Variants in SYN3 observed in about 807,000 individuals in gnomAD.
SYN3 encodes synapsin-3.
In SYN3, 35 loss-of-function variants were observed where a neutral mutation model predicts 65.8. The ratio of observed to expected loss-of-function variants is 0.53; its 90% CI spans 0.41 to 0.70. SYN3 has a LOEUF of 0.70. SYN3 is among the 30% of genes least tolerant of loss of function. The probability of loss-of-function intolerance (pLI) is 0.00; values close to 1 mark genes in which losing one functional copy is unlikely to be tolerated. For synonymous variants in SYN3, 270 were observed against 292.9 expected, an observed-to-expected ratio of 0.92 and a Z score of 0.80; for missense variants, 680 against 749.0, an observed-to-expected ratio of 0.91 and a Z score of 1.08.
chr22:32,812,441 C>T (rs540068280), intron 6 of SYN3, among the ~76,000 whole-genome samples: 4 of 152,304 alleles, frequency 2.6e-5, no homozygotes, highest in African/African-American at 7.2e-5. Context: ...AGCAACCTTG[C>T]AGACTTAGTC....
Position 32,877,703 on chromosome 22 carries a change from C to T in SYN3, c.462-8578G>A, listed in dbSNP as rs369877475. 2.0e-4 allele frequency among the ~76,000 whole-genome samples: 31 copies of T among 152,190 alleles called. No individual in the cohort carries two copies. In the East Asian group the frequency reaches 3.9e-3, roughly 19 times the overall value. On this transcript the variant is annotated intron_variant, in intron 4 of 13. Transcript: ENST00000358763. Reference sequence around the variant, plus strand: ...TGGCATGATCACTGTCCCCCTTCTCCGCAAACCCTTTCCACCTTGCCTCGA... The same window carrying T: ...TGGCATGATCACTGTCCCCCTTCTCTGCAAACCCTTTCCACCTTGCCTCGA...
intron 7 of SYN3, among the ~76,000 whole-genome samples, chr22:32,595,751 T>G (rs937011339): frequency 1.3e-5 from 2 of 152,064 alleles, no homozygotes; most frequent in African/African-American, 4.8e-5. Flanking sequence ...TAATAGTGAG[T>G]GAGTTCTCAC....
At chr22:32,830,129 G>A (rs1784946613) in intron 6 of SYN3, among the ~76,000 whole-genome samples, 1 of 152,126 alleles carries the variant, frequency 6.6e-6, no homozygotes, top group Non-Finnish European at 1.5e-5. Flanking sequence ...GGCCCATATG[G>A]GTCCCAGCTA....
At chr22:32,791,948 T>C (rs773172637) in intron 6 of SYN3, among the ~76,000 whole-genome samples, 1 of 152,154 alleles carries the variant, frequency 6.6e-6, no homozygotes, top group Non-Finnish European at 1.5e-5. Context: ...AAAGGGGATA[T>C]AAGCACATGC....
intron 6 of SYN3, among the ~76,000 whole-genome samples, chr22:32,745,594 C>T (rs2044908109): frequency 6.6e-6 from 1 of 152,182 alleles, no homozygotes; most frequent in Non-Finnish European, 1.5e-5. Flanking sequence ...AAGACGCAGC[C>T]ACTGCACGGC....
At chr22:32,950,006 T>C (rs1157676586) in intron 3 of SYN3, among the ~76,000 whole-genome samples, 1 of 152,150 alleles carries the variant, frequency 6.6e-6, no homozygotes, top group African/African-American at 2.4e-5. Flanking sequence ...GCAGATAGAT[T>C]TGTCTGGAAT....
intron 6 of SYN3, among the ~76,000 whole-genome samples, chr22:32,695,432 G>A (rs1029519869): frequency 1.3e-5 from 2 of 152,160 alleles, no homozygotes; most frequent in African/African-American, 4.8e-5. Flanking sequence ...TTTTCTCAGG[G>A]ATGGAGTCAA....
chr22:33,025,903 C>T (rs1332617388), intron 1 of SYN3, among the ~76,000 whole-genome samples: 1 of 152,148 alleles, frequency 6.6e-6, no homozygotes, highest in African/African-American at 2.4e-5. Context: ...TCAGGGGAGC[C>T]TTGATAGTGA....
chr22:32,684,112 G>C (rs1399844087), intron 6 of SYN3, among the ~76,000 whole-genome samples: 1 of 152,160 alleles, frequency 6.6e-6, no homozygotes, highest in African/African-American at 2.4e-5. Context: ...TAATCAGAGT[G>C]CTGCATCCCT....
chr22:32,511,969 G>T lies in SYN3; in HGVS notation c.*1723C>A, dbSNP rs1348458515. On this transcript the variant is annotated 3_prime_UTR_variant, in exon 14 of 14. Coordinates refer to ENST00000358763, the MANE Select transcript of SYN3 (RefSeq NM_003490.4). Reference sequence around the variant, plus strand: ...AGGCCAAGTGGCTTTCTGGCAGCCAGGTGCACAGCTAGCACTTTCAATACT... The same window carrying T: ...AGGCCAAGTGGCTTTCTGGCAGCCATGTGCACAGCTAGCACTTTCAATACT... 6.6e-6 allele frequency among the ~76,000 whole-genome samples: 1 copy of T among 152,182 alleles called. No individual in the cohort carries two copies. Among genetic ancestry groups the T allele is most frequent in the Non-Finnish European group, 1.5e-5 (1 of 68,034 alleles).
At chr22:32,690,296 T>C (rs2060645451) in intron 6 of SYN3, among the ~76,000 whole-genome samples, 4 of 152,228 alleles carry the variant, frequency 2.6e-5, no homozygotes, top group Non-Finnish European at 5.9e-5. Context: ...TGCTAGTGCC[T>C]TGACCTTGGA....
rs571767184 is a variant in SYN3, at chr22:32,888,554, C to T, written c.462-19429G>A. On this transcript the variant is annotated intron_variant, in intron 4 of 13. Transcript: ENST00000358763. The stretch of plus-strand genomic sequence containing the variant: ...GACATCTCATTATAATTTGTATTTT[C>T]ATTTTCCTGATGATCAGTGATGTTT... Among the ~76,000 whole-genome samples the T allele has an allele frequency of 2.0e-5, 3 of 152,192 alleles. No homozygotes were observed. In the South Asian group the frequency reaches 6.2e-4, roughly 32 times the overall value.
chr22:32,897,693 C>T (rs1012990279), intron 4 of SYN3, among the ~76,000 whole-genome samples: 17 of 152,154 alleles, frequency 1.1e-4, no homozygotes, highest in East Asian at 3.8e-4. Context: ...ATCATAATAG[C>T]GCTTACCTCA....
At chr22:32,806,161 G>A (rs773565956) in intron 6 of SYN3, among the ~76,000 whole-genome samples, 1 of 152,030 alleles carries the variant, frequency 6.6e-6, no homozygotes, top group African/African-American at 2.4e-5. Flanking sequence ...CCCAGTGGGA[G>A]GTACCCGGTC....
At chr22:32,704,327 C>G (rs2060850924) in intron 6 of SYN3, among the ~76,000 whole-genome samples, 1 of 152,150 alleles carries the variant, frequency 6.6e-6, no homozygotes. Context: ...ATTTGGTTTT[C>G]TGTTCCTGCA....
intron 3 of SYN3, among the ~76,000 whole-genome samples, chr22:32,940,908 T>A (rs1218849370): frequency 2.0e-5 from 3 of 152,176 alleles, no homozygotes; most frequent in Non-Finnish European, 4.4e-5. Flanking sequence ...TTGTCTTATT[T>A]GCTCACTGCA....
chr22:32,982,894 C>T (rs1294215489), intron 2 of SYN3, among the ~76,000 whole-genome samples: 6 of 152,128 alleles, frequency 3.9e-5, no homozygotes, highest in Non-Finnish European at 8.8e-5. Flanking sequence ...TTCCAACTTA[C>T]AGATGAAGAA....
chr22:32,588,409 T>G (rs2059081749), intron 7 of SYN3, among the ~76,000 whole-genome samples: 1 of 152,238 alleles, frequency 6.6e-6, no homozygotes, highest in Non-Finnish European at 1.5e-5. Context: ...CTGAATTTCC[T>G]TATTTTAAGA....
chr22:32,703,004 T>C lies in SYN3; in HGVS notation c.712-106268A>G, dbSNP rs112240640. Among the ~76,000 whole-genome samples, 674 of 152,320 alleles carry C rather than the reference T, an allele frequency of 4.4e-3. 2 individuals are homozygous for C. The highest frequency in any genetic ancestry group is 0.015 in the African/African-American group (637 of 41,572). On this transcript the variant is annotated intron_variant, in intron 6 of 13. Transcript: ENST00000358763. ...ACACAAGTAATTAGAAATCAAATAT[T>C]AGTGAGTGTCTAGATGCTGGGGTTA...
Sources: gnomAD v4.1 joint callset for allele counts (sites outside exome capture counted in the v4.1 genomes callset) on GRCh38, gnomAD v4.1.1 for gene constraint, MANE v1.5 for transcripts, NCBI Gene and HGNC (gene_info 2026-07-23, HGNC 2026-07-21) for gene names.